The following DTNA variants were observed in gnomAD, a reference collection of about 807,000 sequenced individuals.
DTNA encodes the protein dystrobrevin alpha, also known as dystrophin-related protein 3.
DTNA carries 43 observed loss-of-function variants against 100.7 expected under a neutral mutation model. That is an observed-to-expected ratio of 0.43 (90% confidence interval 0.33 to 0.55). DTNA has a LOEUF of 0.55. Ranked by LOEUF, DTNA falls within the 20% of genes least tolerant of loss-of-function variation. DTNA has a pLI of 0.04. For missense variants in DTNA, 798 were observed against 953.9 expected, an observed-to-expected ratio of 0.84 and a Z score of 2.15; for synonymous variants, 349 against 347.9, an observed-to-expected ratio of 1.00 and a Z score of -0.04.
intron 1 of DTNA, among the ~76,000 whole-genome samples, chr18:34,564,799 C>T (rs1437359193): frequency 6.6e-6 from 1 of 152,126 alleles, no homozygotes; most frequent in East Asian, 1.9e-4. Flanking sequence ...TCAATTGTGT[C>T]ATGAATGCAC....
chr18:34,534,656 C>T (rs975529937), intron 1 of DTNA, among the ~76,000 whole-genome samples: 3 of 151,934 alleles, frequency 2.0e-5, no homozygotes, highest in African/African-American at 4.8e-5. Context: ...CTCCAACCCC[C>T]CTACAGGCTC....
At chr18:34,781,603 C>G (rs188581027) in intron 3 of DTNA, among the ~76,000 whole-genome samples, 199 of 152,106 alleles carry the variant, frequency 1.3e-3, no homozygotes, top group African/African-American at 4.4e-3. Context: ...GCTGATTAAC[C>G]ACCTAGAGAT....
intron 8 of DTNA, chr18:34,818,644 C>A: frequency 8.6e-7 from 1 of 1,159,060 alleles, no homozygotes; most frequent in Non-Finnish European, 1.1e-6. Context: ...ATCTTACATT[C>A]ACAGTAAGTT....
intron 15 of DTNA, among the ~76,000 whole-genome samples, chr18:34,857,239 G>T (rs192885627): frequency 6.6e-6 from 1 of 152,308 alleles, no homozygotes; most frequent in East Asian, 1.9e-4. Context: ...CCACACCCAC[G>T]AAATGTATAA....
intron 1 of DTNA, among the ~76,000 whole-genome samples, chr18:34,543,206 A>G (rs2044424929): frequency 6.6e-6 from 1 of 151,964 alleles, no homozygotes. Flanking sequence ...CAGTCATTGC[A>G]CAAGACCTGA....
At chr18:34,688,778 C>T (rs1600232027) in intron 1 of DTNA, among the ~76,000 whole-genome samples, 2 of 152,170 alleles carry the variant, frequency 1.3e-5, no homozygotes, top group East Asian at 3.9e-4. Context: ...TTCAGGTACA[C>T]CAATCAAACG....
intron 1 of DTNA, among the ~76,000 whole-genome samples, chr18:34,659,320 A>G (rs2074836300): frequency 6.6e-6 from 1 of 152,178 alleles, no homozygotes; most frequent in African/African-American, 2.4e-5. Context: ...ACTAATATAA[A>G]AAGTTATTAA....
intron 1 of DTNA, among the ~76,000 whole-genome samples, chr18:34,600,047 A>G (rs2051465719): frequency 6.6e-6 from 1 of 152,182 alleles, no homozygotes; most frequent in Non-Finnish European, 1.5e-5. Context: ...ACATATTTAA[A>G]AAGTCATTTT....
chr18:34,815,783 G>A, intron 6 of DTNA, 126 bp from the exon 7 acceptor site: 1 of 877,216 alleles, frequency 1.1e-6, no homozygotes, highest in Admixed American at 2.0e-5. Flanking sequence ...GGCAAGTTCT[G>A]TTTCTTCAGA....
At position 34,891,674 on chromosome 18, in the gene DTNA, GTT is replaced by G. The variant is rs1403483279; in HGVS notation, c.*3942_*3943del. On this transcript the variant is annotated 3_prime_UTR_variant, in exon 23 of 23. Coordinates refer to ENST00000444659, the MANE Select transcript of DTNA (RefSeq NM_001386795.1). ...CTTATTATAATTGATATGGAAGTGAGTTTGAAATTCTAACAGCTAACATATTT... is the reference window on the plus strand; with the variant it reads ...CTTATTATAATTGATATGGAAGTGAGTGAAATTCTAACAGCTAACATATTT... 6.6e-6 allele frequency: 1 copy of G among 152,302 alleles called. No individual in the cohort carries two copies. Among genetic ancestry groups the G allele is most frequent in the East Asian group, 1.9e-4 (1 of 5,188 alleles). The allele number at this position is 152,302 out of a possible 1,614,324, so 9.4% of individuals were successfully genotyped here.
intron 1 of DTNA, among the ~76,000 whole-genome samples, chr18:34,739,536 A>C (rs546685973): frequency 6.6e-6 from 1 of 152,292 alleles, no homozygotes; most frequent in East Asian, 1.9e-4. Flanking sequence ...ACTTCTGTGG[A>C]CCCTTGTAAT....
chr18:34,643,807 A>G (rs935729036), intron 1 of DTNA, among the ~76,000 whole-genome samples: 11 of 152,216 alleles, frequency 7.2e-5, no homozygotes, highest in African/African-American at 2.4e-4. Flanking sequence ...TATGTAATTC[A>G]CAGCAATCAG....
chr18:34,676,389 CCA>C (rs2077404079), intron 1 of DTNA, among the ~76,000 whole-genome samples: 2 of 152,132 alleles, frequency 1.3e-5, no homozygotes, highest in Admixed American at 1.3e-4. Context: ...GTTCCTAGCT[CCA>C]ATCCAGACCC....
Position 34,554,640 on chromosome 18 carries a change from T to A in DTNA, c.-2+61126T>A, listed in dbSNP as rs1441339082. ...TGCATCTATTGAGATAATCATGTGG[T>A]TTTTGTCTTTGGCTCTGTTTATATG... On this transcript the variant is annotated intron_variant, in intron 1 of 19. Coordinates refer to the DTNA transcript ENST00000283365. Among the ~76,000 whole-genome samples, 741 of 151,138 alleles carry A rather than the reference T, an allele frequency of 4.9e-3. 4 individuals carry two copies. Among genetic ancestry groups the A allele is most frequent in the African/African-American group, 0.017 (715 of 40,934 alleles).
intron 1 of DTNA, among the ~76,000 whole-genome samples, chr18:34,700,867 G>T (rs1464259195): frequency 1.3e-5 from 2 of 152,170 alleles, no homozygotes; most frequent in African/African-American, 4.8e-5. Flanking sequence ...AAAGCCATTA[G>T]ATAGACTCCC....
intron 1 of DTNA, among the ~76,000 whole-genome samples, chr18:34,568,002 A>T (rs939420776): frequency 6.6e-6 from 1 of 152,092 alleles, no homozygotes; most frequent in Non-Finnish European, 1.5e-5. Flanking sequence ...ATATTGCTTT[A>T]TGGAGAGAAT....
At chr18:34,714,757 C>T (rs535515189) in intron 1 of DTNA, among the ~76,000 whole-genome samples, 3 of 152,190 alleles carry the variant, frequency 2.0e-5, no homozygotes, top group South Asian at 2.1e-4. Context: ...CACATGCACA[C>T]GTATGTTTAT....
rs895177856 is a variant in DTNA at position 34,825,331 on chromosome 18, A to G, written c.1002-2262A>G. 6 of 1,607,364 alleles carry G rather than the reference A, an allele frequency of 3.7e-6. No homozygotes were observed. The African/African-American group carries it at 8.0e-5, about 21-fold the overall frequency. On this transcript the variant is annotated intron_variant, in intron 9 of 22. Transcript: ENST00000444659. ...ACAAAGATGTATAATCATGATCATA[A>G]GTGGGGATGAGACACAAAACAAGTG...
intron 1 of DTNA, among the ~76,000 whole-genome samples, chr18:34,555,022 G>C (rs1473900991): frequency 1.0e-4 from 13 of 124,848 alleles, no homozygotes; most frequent in Middle Eastern, 7.6e-3. Flanking sequence ...TTTTTGGTTG[G>C]TAAACTATTG....
Sources: gnomAD v4.1 joint callset for allele counts (sites outside exome capture counted in the v4.1 genomes callset) on GRCh38, gnomAD v4.1.1 for gene constraint, MANE v1.5 for transcripts, NCBI Gene and HGNC (gene_info 2026-07-23, HGNC 2026-07-21) for gene names.